Variants in ERBB4 observed in about 807,000 individuals in gnomAD.
The protein encoded by ERBB4 is receptor tyrosine-protein kinase erbB-4.
A neutral mutation model predicts 158.0 loss-of-function variants in ERBB4; 42 were observed. The ratio of observed to expected loss-of-function variants is 0.27; its 90% CI spans 0.21 to 0.34. The LOEUF is 0.34. Among genes scored for constraint, ERBB4 ranks in the 10% least tolerant of loss-of-function variants. The pLI is 1.00. For missense variants in ERBB4, 1,333 were observed against 1,624.1 expected (o/e 0.82, Z 3.08); for synonymous variants, 583 against 558.7 (o/e 1.04, Z -0.61).
intron 16 of ERBB4, among the ~76,000 whole-genome samples, chr2:211,655,994 T>G (rs937654618): frequency 3.9e-5 from 6 of 152,222 alleles, no homozygotes; most frequent in Non-Finnish European, 7.4e-5. Context: ...AACATATGAA[T>G]GAAGAAATTA....
At chr2:211,741,917 T>C (rs961553878) in intron 5 of ERBB4, among the ~76,000 whole-genome samples, 1 of 152,194 alleles carries the variant, frequency 6.6e-6, no homozygotes. Flanking sequence ...TTTCTACCGG[T>C]AAATTATTGG....
intron 25 of ERBB4, 27 bp from the exon 26 acceptor site, chr2:211,388,019 G>A (rs2125322942): frequency 6.6e-7 from 1 of 1,524,490 alleles, no homozygotes; most frequent in Non-Finnish European, 9.1e-7. Flanking sequence ...ATGGAATGAT[G>A]GATATAATAA....
chr2:211,619,356 T>A lies in ERBB4; in HGVS notation c.2203-81A>T, dbSNP rs541994181. On this transcript the variant is annotated intron_variant, in intron 18 of 27. Coordinates refer to ENST00000342788, the MANE Select transcript of ERBB4 (RefSeq NM_005235.3). ...AAAGTAACTTAGAAGTTTGATATTATAACATTCAATCAACAAATGTTTATT... is the reference window on the plus strand; with the variant it reads ...AAAGTAACTTAGAAGTTTGATATTAAAACATTCAATCAACAAATGTTTATT... 24 of 798,726 alleles carry A rather than the reference T, an allele frequency of 3.0e-5. 2 individuals are homozygous for A. In the Middle Eastern group the frequency reaches 4.6e-3, roughly 153 times the overall value. The allele number at this position is 798,726 out of a possible 1,614,324, so 49.5% of individuals were successfully genotyped here.
chr2:211,630,414 C>T (rs373978716), intron 17 of ERBB4, 48 bp downstream of exon 17: 1 of 1,607,696 alleles, frequency 6.2e-7, no homozygotes, highest in Non-Finnish European at 8.5e-7. Context: ...ACCTTCTAAA[C>T]CTGATGAAAA....
intron 19 of ERBB4, among the ~76,000 whole-genome samples, chr2:211,586,777 T>C (rs996935283): frequency 2.0e-5 from 3 of 152,190 alleles, no homozygotes; most frequent in Admixed American, 2.0e-4. Flanking sequence ...GCTTTGGCTG[T>C]AGCTGTTTGT....
chr2:211,571,936 AC>A (rs1443723858), intron 19 of ERBB4, among the ~76,000 whole-genome samples: 1 of 152,052 alleles, frequency 6.6e-6, no homozygotes, highest in Non-Finnish European at 1.5e-5. Context: ...GCTTTACTTT[AC>A]TATTTTTTTT....
chr2:212,146,066 A>C (rs1188438219), intron 1 of ERBB4, among the ~76,000 whole-genome samples: 1 of 152,146 alleles, frequency 6.6e-6, no homozygotes, highest in Non-Finnish European at 1.5e-5. Context: ...AAGAGGTCTG[A>C]CAAAAGCCTG....
intron 1 of ERBB4, among the ~76,000 whole-genome samples, chr2:212,533,721 T>A (rs1575096494): frequency 1.3e-5 from 2 of 152,200 alleles, no homozygotes; most frequent in African/African-American, 4.8e-5. Context: ...GAGTATTAGA[T>A]AAAACATGTA....
At chr2:211,935,435 A>G (rs972396109) in intron 3 of ERBB4, among the ~76,000 whole-genome samples, 1 of 152,100 alleles carries the variant, frequency 6.6e-6, no homozygotes, top group Non-Finnish European at 1.5e-5. Flanking sequence ...AGGTGAATAC[A>G]TTCATCTGAA....
intron 2 of ERBB4, among the ~76,000 whole-genome samples, chr2:211,984,746 C>CT (rs1053125094): frequency 7.3e-5 from 11 of 151,070 alleles, no homozygotes; most frequent in South Asian, 2.1e-4. Flanking sequence ...AACATTTTTT[C>CT]TTTTTTTTTA....
chr2:211,495,374 C>G (rs899886267), intron 20 of ERBB4, among the ~76,000 whole-genome samples: 1 of 151,920 alleles, frequency 6.6e-6, no homozygotes, highest in Admixed American at 6.6e-5. Context: ...CATAATAATT[C>G]GCCTTTTGTG....
rs986512481 is a variant in ERBB4 at position 211,513,276 on chromosome 2, G to C, written c.2487+48627C>G. On this transcript the variant is annotated intron_variant, in intron 20 of 27. Transcript: ENST00000342788. ...TGAGGCAGGAGAATGGCGTGAACCC[G>C]GGAAGCGGAGCTTGCAGTGAGCCGA... 3.4e-5 allele frequency among the ~76,000 whole-genome samples: 5 copies of C among 148,782 alleles called. No homozygotes were observed. In the Admixed American group the frequency reaches 3.5e-4, roughly 10 times the overall value.
intron 1 of ERBB4, among the ~76,000 whole-genome samples, chr2:212,176,169 T>C (rs377460039): frequency 6.6e-6 from 1 of 151,996 alleles, no homozygotes; most frequent in Non-Finnish European, 1.5e-5. Flanking sequence ...ACCCTTGCTG[T>C]GCTTGCATTC....
At chr2:212,077,677 A>G (rs2125459027) in intron 2 of ERBB4, among the ~76,000 whole-genome samples, 1 of 152,110 alleles carries the variant, frequency 6.6e-6, no homozygotes, top group Admixed American at 6.6e-5. Context: ...AGGGGACTTA[A>G]GAGAAGCTGG....
intron 1 of ERBB4, among the ~76,000 whole-genome samples, chr2:212,509,589 T>C (rs1165797445): frequency 6.6e-6 from 1 of 152,070 alleles, no homozygotes; most frequent in Admixed American, 6.6e-5. Context: ...TAAGTTTATG[T>C]TCCATATTCC....
chr2:211,383,861 C>A lies in ERBB4; in HGVS notation c.3681G>T (p.Leu1227=), dbSNP rs2125310479. The A allele has an allele frequency of 6.2e-7, 1 of 1,614,148 alleles. No individual in the cohort carries two copies. Among genetic ancestry groups the A allele is most frequent in the East Asian group, 2.2e-5 (1 of 44,876 alleles). ...GKAEYLKNNI[L]SMPEKAKKAF... ...CTTTCTTGGCCTTCTCTGGCATTGA[C>A]AGTATGTTGTTCTTCAGGTACTCAG... Residue 1227 remains leucine (L), a synonymous_variant, in exon 28 of 28, where the codon CTG becomes CTT. Transcript: ENST00000342788.
intron 1 of ERBB4, among the ~76,000 whole-genome samples, chr2:212,128,418 A>G (rs2080008439): frequency 6.6e-6 from 1 of 152,208 alleles, no homozygotes; most frequent in South Asian, 2.1e-4. Context: ...ATTCTTCATA[A>G]GTTCTTCCAG....
intron 20 of ERBB4, among the ~76,000 whole-genome samples, chr2:211,545,400 A>G (rs1295460068): frequency 3.3e-5 from 5 of 152,068 alleles, no homozygotes; most frequent in African/African-American, 1.2e-4. Flanking sequence ...AGAAATTAGC[A>G]CAAGACTATT....
intron 23 of ERBB4, among the ~76,000 whole-genome samples, chr2:211,423,925 T>TGTCA (rs2125411060): frequency 6.6e-6 from 1 of 152,142 alleles, no homozygotes; most frequent in African/African-American, 2.4e-5. Context: ...GCAATTTGAC[T>TGTCA]GTCATGGAGA....
Sources: allele counts gnomAD v4.1 joint callset (sites outside exome capture counted in the v4.1 genomes callset), GRCh38; gene constraint gnomAD v4.1.1; transcripts MANE v1.5; gene names NCBI Gene and HGNC (gene_info 2026-07-23, HGNC 2026-07-21).